The following FBN1 variants were observed in gnomAD, a reference collection of about 807,000 sequenced individuals.
FBN1 encodes fibrillin-1.
Under a neutral mutation model 365.1 loss-of-function variants are expected in FBN1, and 29 were observed. The observed-to-expected ratio is 0.08, with a 90% CI of 0.06 to 0.11. FBN1 has a LOEUF of 0.11. Among genes scored for constraint, FBN1 ranks in the 10% least tolerant of loss-of-function variants. The pLI is 1.00. For missense variants in FBN1, 2,476 were observed against 3,703.2 expected, an observed-to-expected ratio of 0.67 and a Z score of 8.60; for synonymous variants, 1,210 against 1,270.5, an observed-to-expected ratio of 0.95 and a Z score of 1.01.
At chr15:48,477,254 T>C (rs772401856) in intron 32 of FBN1, among the ~76,000 whole-genome samples, 1 of 152,218 alleles carries the variant, frequency 6.6e-6, no homozygotes, top group Non-Finnish European at 1.5e-5. Context: ...AATATGCTAA[T>C]AGAAATTTAC....
In FBN1 at chr15:48,444,596, C is replaced by T. The variant is rs1051151269; in HGVS notation, c.5982G>A (p.Gly1994=). 6.2e-7 allele frequency: 1 copy of T among 1,613,594 alleles called. No individual in the cohort carries two copies. The highest frequency in any genetic ancestry group is 8.5e-7 in the Non-Finnish European group (1 of 1,179,676). The change falls in exon 49 of 66, where the codon GGG becomes GGA. Residue 1994 remains glycine (G), a synonymous_variant. Coordinates refer to ENST00000316623, the MANE Select transcript of FBN1 (RefSeq NM_000138.5). ...CAGGTGGGCAAATGCATCTGTAGGA[C>T]CCATCCAAGTTTTGACAGGTACCTG... ...CAPGTCQNLD[G]SYRCICPPGY... is the part of the protein sequence containing the mutation.
chr15:48,465,882 G>A (rs765448349), intron 38 of FBN1, 24 bp from the exon 39 acceptor site: 1 of 1,546,920 alleles, frequency 6.5e-7, no homozygotes, highest in South Asian at 1.1e-5. Context: ...AATTCAAATT[G>A]AGTTGTTTTG....
intron 14 of FBN1, among the ~76,000 whole-genome samples, chr15:48,509,008 C>T (rs1170145237): frequency 6.6e-6 from 1 of 152,138 alleles, no homozygotes; most frequent in East Asian, 1.9e-4. Flanking sequence ...TAATAGTTTA[C>T]AAACTGAAAA....
intron 25 of FBN1, 42 bp downstream of exon 25, chr15:48,489,809 T>C (rs1411691758): frequency 6.6e-7 from 1 of 1,512,168 alleles, no homozygotes; most frequent in East Asian, 2.3e-5. Context: ...CCTATTTGTC[T>C]AAAAAGGGAG....
chr15:48,467,840 T>C, intron 38 of FBN1, 98 bp downstream of exon 38: 1 of 1,131,580 alleles, frequency 8.8e-7, no homozygotes, highest in Non-Finnish European at 1.3e-6. Context: ...GACTGATCTT[T>C]CTTCTCTGAT....
chr15:48,619,893 A>G (rs573277269), intron 2 of FBN1, among the ~76,000 whole-genome samples: 2 of 151,684 alleles, frequency 1.3e-5, no homozygotes. Context: ...AAAAAACAGG[A>G]GAAGAACTAA....
At chr15:48,513,737 T>G in intron 12 of FBN1, 69 bp from the exon 13 acceptor site, 9 of 1,573,726 alleles carry the variant, frequency 5.7e-6, no homozygotes, top group Non-Finnish European at 7.8e-6. Context: ...ACTTTCTGGG[T>G]TCCTTTTATA....
chr15:48,576,701 C>T (rs933278652), intron 6 of FBN1, among the ~76,000 whole-genome samples: 5 of 152,236 alleles, frequency 3.3e-5, no homozygotes, highest in Admixed American at 6.5e-5. Flanking sequence ...TACTAAGTGT[C>T]ACACACCACT....
rs545682234 is a variant in FBN1 at position 48,430,487 on chromosome 15, A to G, written c.6871+184T>C. 3.3e-5 allele frequency among the ~76,000 whole-genome samples: 5 copies of G among 152,350 alleles called. No individual in the cohort carries two copies. In the East Asian group the frequency reaches 9.6e-4, roughly 29 times the overall value. On this transcript the variant is annotated intron_variant, in intron 56 of 65. Transcript: ENST00000316623. ...AAGGCCAGATCAGAGGGACAATGAC[A>G]GTGCTCTTGGAATTCACAAATGATC...
At position 48,520,578 on chromosome 15, in the gene FBN1, T is replaced by C. The variant is rs570630940; in HGVS notation, c.1147+81A>G. On this transcript the variant is annotated intron_variant, in intron 10 of 65. Coordinates refer to ENST00000316623, the MANE Select transcript of FBN1 (RefSeq NM_000138.5). ...ACTACTCATTTACCCAAGTTTCCAT[T>C]ACATCTGCATCATGCACATTGCCAC... The C allele has an allele frequency of 8.8e-4, 1,346 of 1,530,826 alleles. 4 individuals are homozygous for C. The highest frequency in any genetic ancestry group is 1.2e-3 in the Non-Finnish European group (1,289 of 1,113,640). 94.8% of individuals were successfully genotyped at this position (1,530,826 alleles called of 1,614,324 possible). A position where few individuals can be genotyped will look rare whatever the true frequency, so the allele number is the denominator to read the frequency against.
At chr15:48,633,474 G>A (rs1890028060) in intron 2 of FBN1, among the ~76,000 whole-genome samples, 1 of 152,100 alleles carries the variant, frequency 6.6e-6, no homozygotes, top group South Asian at 2.1e-4. Context: ...AGGGTTGCGG[G>A]GAGGAGTCAT....
At chr15:48,557,122 T>A (rs149829122) in intron 6 of FBN1, among the ~76,000 whole-genome samples, 2 of 152,270 alleles carry the variant, frequency 1.3e-5, no homozygotes, top group African/African-American at 4.8e-5. Context: ...AAAAAGGCAG[T>A]GCAGTAGATG....
intron 20 of FBN1, 124 bp downstream of exon 20, chr15:48,495,976 A>C: frequency 1.6e-6 from 2 of 1,281,720 alleles, no homozygotes; most frequent in Non-Finnish European, 2.3e-6. Flanking sequence ...GTAGAACCAC[A>C]GAATTTCAAC....
Position 48,457,783 on chromosome 15 carries a change from C to T in FBN1, c.5297-1021G>A, listed in dbSNP as rs190367366. ...TATCACAGCCACCCCATGAGATGGT[C>T]TCGGTACTATGACTATTCTAACTAA... On this transcript the variant is annotated intron_variant, in intron 43 of 65. Coordinates refer to ENST00000316623, the MANE Select transcript of FBN1 (RefSeq NM_000138.5). 3.7e-3 allele frequency among the ~76,000 whole-genome samples: 567 copies of T among 152,232 alleles called. 6 individuals are homozygous for T. Among genetic ancestry groups the T allele is most frequent in the African/African-American group, 0.013 (547 of 41,542 alleles).
chr15:48,628,571 T>G (rs955695409), intron 2 of FBN1, among the ~76,000 whole-genome samples: 11 of 152,218 alleles, frequency 7.2e-5, no homozygotes, highest in Non-Finnish European at 8.8e-5. Context: ...GCTCCTTCTG[T>G]GTGAATTTTC....
chr15:48,562,222 G>T (rs995135473), intron 6 of FBN1, among the ~76,000 whole-genome samples: 1 of 152,128 alleles, frequency 6.6e-6, no homozygotes, highest in Admixed American at 6.5e-5. Context: ...ATGCTATAAA[G>T]TTCCTCTCCA....
intron 13 of FBN1, among the ~76,000 whole-genome samples, chr15:48,512,222 C>T (rs1397833154): frequency 1.3e-5 from 2 of 152,166 alleles, no homozygotes; most frequent in Admixed American, 6.6e-5. Flanking sequence ...TTCTATATGT[C>T]TTCAACTCAT....
chr15:48,420,019 G>C (rs1217102890), intron 63 of FBN1, among the ~76,000 whole-genome samples: 1 of 152,160 alleles, frequency 6.6e-6, no homozygotes, highest in African/African-American at 2.4e-5. Flanking sequence ...GTAAAACAAA[G>C]TGCCTGAGCT....
intron 50 of FBN1, among the ~76,000 whole-genome samples, chr15:48,441,374 A>C (rs927525435): frequency 2.0e-5 from 3 of 152,080 alleles, no homozygotes; most frequent in Non-Finnish European, 4.4e-5. Flanking sequence ...TTTTCAGCTT[A>C]TCTCTTCAGA....
Sources: allele counts gnomAD v4.1 joint callset (sites outside exome capture counted in the v4.1 genomes callset), GRCh38; gene constraint gnomAD v4.1.1; transcripts MANE v1.5; gene names NCBI Gene and HGNC (gene_info 2026-07-23, HGNC 2026-07-21).